The following TBCD variants were observed in gnomAD, a reference collection of about 807,000 sequenced individuals.
The protein encoded by TBCD is tubulin-specific chaperone D.
Under a neutral mutation model 169.3 loss-of-function variants are expected in TBCD, and 105 were observed. The observed-to-expected ratio is 0.62, with a 90% CI of 0.53 to 0.73. The LOEUF (loss-of-function observed/expected upper bound fraction) is 0.73. Among genes scored for constraint, TBCD ranks in the 30% least tolerant of loss-of-function variants. The pLI is 0.00. For missense variants in TBCD, 1,444 were observed against 1,600.1 expected, an observed-to-expected ratio of 0.90 and a Z score of 1.66; for synonymous variants, 700 against 643.9, an observed-to-expected ratio of 1.09 and a Z score of -1.32.
At chr17:82,764,754 C>T (rs965645472) in intron 3 of TBCD, among the ~76,000 whole-genome samples, 1 of 151,820 alleles carries the variant, frequency 6.6e-6, no homozygotes, top group Non-Finnish European at 1.5e-5. Flanking sequence ...GTCTGCTTTT[C>T]TTACAAGCTT....
intron 17 of TBCD, 142 bp downstream of exon 17, chr17:82,893,774 A>C: frequency 1.5e-6 from 1 of 663,526 alleles, no homozygotes; most frequent in Non-Finnish European, 2.5e-6. Context: ...TTAAAAATGG[A>C]ATTGGGAACA....
rs1326118893 is a variant in TBCD, at chr17:82,930,782, G to T, written c.3113+139G>T. 48 of 1,366,730 alleles carry T rather than the reference G, an allele frequency of 3.5e-5. No individual in the cohort carries two copies. Among genetic ancestry groups the T allele is most frequent in the Non-Finnish European group, 4.5e-5 (45 of 1,010,064 alleles). 84.7% of individuals were successfully genotyped at this position (1,366,730 alleles called of 1,614,324 possible). A position where few individuals can be genotyped will look rare whatever the true frequency, so the allele number is the denominator to read the frequency against. ...GAGACACACGCTGTACCAGTTGGTG[G>T]CTCAGCGAGGAAGATGTGCCTGCAG... On this transcript the variant is annotated intron_variant, in intron 33 of 38. Coordinates refer to ENST00000355528, the MANE Select transcript of TBCD (RefSeq NM_005993.5). This position sits in a 1 kb window ranked among gnomAD's most constrained non-coding sequence, Gnocchi z 5.2.
intron 13 of TBCD, among the ~76,000 whole-genome samples, chr17:82,816,028 C>T (rs774064000): frequency 1.3e-5 from 2 of 152,130 alleles, no homozygotes; most frequent in Non-Finnish European, 2.9e-5. Context: ...TTCATTGCCT[C>T]CAAAGGAACC....
chr17:82,866,686 C>G (rs1350359358), intron 13 of TBCD, among the ~76,000 whole-genome samples: 1 of 150,642 alleles, frequency 6.6e-6, no homozygotes, highest in Non-Finnish European at 1.5e-5. Context: ...AGCACTGCCA[C>G]CTGGGCAGAG....
chr17:82,788,766 T>C (rs144288267), intron 7 of TBCD, among the ~76,000 whole-genome samples: 5,725 of 152,242 alleles, frequency 0.038, 140 homozygotes, highest in Non-Finnish European at 0.056. Flanking sequence ...CTTGAGCTGC[T>C]GTGAGCTGTG....
At chr17:82,882,685 G>A (rs1315997047) in intron 14 of TBCD, among the ~76,000 whole-genome samples, 3 of 152,144 alleles carry the variant, frequency 2.0e-5, no homozygotes, top group Admixed American at 2.0e-4. Flanking sequence ...TGTGAATCTG[G>A]AGAACAAGTG....
intron 9 of TBCD, among the ~76,000 whole-genome samples, 174 bp downstream of exon 9, chr17:82,801,170 C>G (rs562346468): frequency 6.6e-6 from 1 of 151,628 alleles, no homozygotes; most frequent in South Asian, 2.1e-4. Context: ...GGGAGGCAGG[C>G]GCCTTGGTTC....
rs966180035 is a variant in TBCD at position 82,864,942 on chromosome 17, C to T, written c.1319-5282C>T. ...GCCTGCTTGTGTTGGGGGTGGGGCT[C>T]CTTGCCCCCCAAGGGCAGGCCGAGC... On this transcript the variant is annotated intron_variant, in intron 13 of 38. Transcript: ENST00000355528. The surrounding 1 kb of genome is among the most constrained non-coding windows in gnomAD (Gnocchi z 6.3). Among the ~76,000 whole-genome samples, 1 of 149,668 alleles carries T rather than the reference C, an allele frequency of 6.7e-6. No individual in the cohort carries two copies. The highest frequency in any genetic ancestry group is 1.5e-5 in the Non-Finnish European group (1 of 67,312).
At position 82,889,759 on chromosome 17, in the gene TBCD, T is replaced by A; in HGVS notation, c.1563+62T>A. ...TCCTGCGGGTTTATAGGTAGGAATC[T>A]TGAGAGCTATAACCCTGGTGTCTTC... On this transcript the variant is annotated intron_variant, in intron 16 of 38. Transcript: ENST00000355528. The surrounding 1 kb of genome is among the most constrained non-coding windows in gnomAD (Gnocchi z 5.3). The A allele has an allele frequency of 6.3e-7, 1 of 1,595,182 alleles. No individual in the cohort carries two copies. Among genetic ancestry groups the A allele is most frequent in the Non-Finnish European group, 8.6e-7 (1 of 1,165,978 alleles).
At chr17:82,850,056 G>GGCTGT (rs1453216639) in intron 13 of TBCD, among the ~76,000 whole-genome samples, 10 of 44,514 alleles carry the variant, frequency 2.2e-4, no homozygotes, top group African/African-American at 4.5e-4. Flanking sequence ...TGCTGTTGTT[G>GGCTGT]GCTGTGCTGC....
At chr17:82,861,192 G>A (rs1159834804) in intron 13 of TBCD, among the ~76,000 whole-genome samples, 1 of 152,226 alleles carries the variant, frequency 6.6e-6, no homozygotes, top group Non-Finnish European at 1.5e-5. Flanking sequence ...CATGCATAGG[G>A]CAGGCCCCGG....
At chr17:82,911,696 A>G in intron 22 of TBCD, 62 bp from the exon 23 acceptor site, 1 of 1,535,678 alleles carries the variant, frequency 6.5e-7, no homozygotes, top group Admixed American at 1.7e-5. Context: ...TGGCAAGCAT[A>G]TTTCATGGTG....
At chr17:82,776,781 C>T (rs917430346) in intron 6 of TBCD, among the ~76,000 whole-genome samples, 108 of 152,264 alleles carry the variant, frequency 7.1e-4, no homozygotes, top group African/African-American at 2.5e-3. Context: ...TTGGGGTCTG[C>T]ACACCTGGTG....
At chr17:82,938,325 T>A (rs1223929966) in intron 36 of TBCD, among the ~76,000 whole-genome samples, 189 bp downstream of exon 36, 1 of 152,200 alleles carries the variant, frequency 6.6e-6, no homozygotes, top group Non-Finnish European at 1.5e-5. Flanking sequence ...GTTCTGGCTT[T>A]AAGGACGGGC....
At chr17:82,926,858 G>A (rs532741964) in intron 28 of TBCD, 167 of 495,592 alleles carry the variant, frequency 3.4e-4, no homozygotes, top group Middle Eastern at 1.6e-3. Context: ...AGGCACACAA[G>A]AGGAGCAGTC....
rs116307159 is a variant in TBCD at position 82,823,322 on chromosome 17, G to A, written c.1318+8388G>A. 9.5e-4 allele frequency among the ~76,000 whole-genome samples: 145 copies of A among 152,336 alleles called. 1 individual carries two copies. The highest frequency in any genetic ancestry group is 3.3e-3 in the African/African-American group (139 of 41,578). ...CCTGGGAGAGGTTGGGTCTGAGCAC[G>A]TCCTGACATGGCCCCAGTGTCCAGT... On this transcript the variant is annotated intron_variant, in intron 13 of 38. Transcript: ENST00000355528.
chr17:82,885,377 A>G (rs1043948061), intron 15 of TBCD, among the ~76,000 whole-genome samples: 33 of 152,134 alleles, frequency 2.2e-4, no homozygotes, highest in African/African-American at 6.5e-4. Context: ...GTCATCTTCT[A>G]TAGCTTCTGG....
chr17:82,792,181 G>A (rs185827810), intron 7 of TBCD, among the ~76,000 whole-genome samples: 8 of 152,100 alleles, frequency 5.3e-5, no homozygotes, highest in Admixed American at 1.3e-4. Flanking sequence ...GGTGGCGGGC[G>A]CCTGTAGTCC....
chr17:82,779,469 A>C (rs1439189648), intron 6 of TBCD, among the ~76,000 whole-genome samples: 7 of 152,198 alleles, frequency 4.6e-5, no homozygotes, highest in Non-Finnish European at 8.8e-5. Flanking sequence ...CCCATTGTTC[A>C]TGCTGAGCCC....
Sources: gnomAD v4.1 joint callset for allele counts (sites outside exome capture counted in the v4.1 genomes callset) on GRCh38, gnomAD v4.1.1 for gene constraint, Gnocchi (gnomAD v3.1) non-coding constraint, MANE v1.5 for transcripts, NCBI Gene and HGNC (gene_info 2026-07-23, HGNC 2026-07-21) for gene names.